The following PURG variants were observed in gnomAD, a reference collection of about 807,000 sequenced individuals.
PURG encodes the protein purine-rich element-binding protein gamma.
PURG carries 3 observed loss-of-function variants against 24.3 expected under a neutral mutation model. The observed-to-expected ratio is 0.12, with a 90% CI of 0.06 to 0.32. The LOEUF (loss-of-function observed/expected upper bound fraction) is 0.32, where lower values mean the gene tolerates loss of function less well. PURG is among the 10% of genes least tolerant of loss of function. The probability of loss-of-function intolerance (pLI) is 1.00; values close to 1 mark genes in which losing one functional copy is unlikely to be tolerated. For missense variants in PURG, 371 were observed against 439.1 expected (o/e 0.84, Z 1.39); for synonymous variants, 180 against 173.1 (o/e 1.04, Z -0.31).
At chr8:30,998,712 A>C (rs1810477669) in intron 1 of PURG, among the ~76,000 whole-genome samples, 1 of 151,840 alleles carries the variant, frequency 6.6e-6, no homozygotes, top group Admixed American at 6.6e-5. Context: ...CTTCTGAACA[A>C]TATAGTTTAT....
downstream of PURG, among the ~76,000 whole-genome samples, chr8:31,026,306 T>G (rs1199411152): frequency 6.6e-6 from 1 of 151,594 alleles, no homozygotes; most frequent in Non-Finnish European, 1.5e-5. Context: ...AGTGCACTAC[T>G]TCAGGAAAAA....
At chr8:31,012,664 T>G (rs1271978724) in intron 1 of PURG, among the ~76,000 whole-genome samples, 1 of 152,214 alleles carries the variant, frequency 6.6e-6, no homozygotes, top group East Asian at 1.9e-4. Context: ...ATCATCACTC[T>G]GATCCAATTC....
At position 31,012,780 on chromosome 8, in the gene PURG, C is replaced by A. The variant is rs1168225504; in HGVS notation, c.865-16083G>T. Among the ~76,000 whole-genome samples the A allele has an allele frequency of 2.6e-5, 4 of 152,236 alleles. No individual in the cohort carries two copies. The East Asian group carries it at 7.7e-4, about 29-fold the overall frequency. On this transcript the variant is annotated intron_variant, in intron 1 of 1. Transcript: ENST00000339382. ...AGGCTTCTGAAAGACAGTGCATCAT[C>A]TCCATATCACACTACTGCACGCTAT...
chr8:31,026,127 T>A (rs1292945096), downstream of PURG, among the ~76,000 whole-genome samples: 2 of 151,988 alleles, frequency 1.3e-5, no homozygotes, highest in Non-Finnish European at 2.9e-5. Context: ...CTAATACTCA[T>A]TTGCTCTTAT....
chr8:31,013,671 A>G lies in PURG; in HGVS notation c.865-16974T>C, dbSNP rs544752114. 2.6e-5 allele frequency among the ~76,000 whole-genome samples: 4 copies of G among 152,340 alleles called. No homozygotes were observed. In the East Asian group the frequency reaches 7.7e-4, roughly 29 times the overall value. The stretch of plus-strand genomic sequence containing the variant: ...AGAATCACTTGAACCCAGGAGGCGG[A>G]GGTTGCAGTGAGCCGAGGTCGCGCC... On this transcript the variant is annotated intron_variant, in intron 1 of 1. Coordinates refer to the PURG transcript ENST00000339382.
chr8:31,022,473 C>T (rs1312866299), intron 1 of PURG, among the ~76,000 whole-genome samples: 1 of 152,160 alleles, frequency 6.6e-6, no homozygotes, highest in Non-Finnish European at 1.5e-5. Flanking sequence ...ACCCTTCTTT[C>T]TTACAGTCTA....
At chr8:31,006,478 C>T (rs558095446) in intron 1 of PURG, among the ~76,000 whole-genome samples, 46 of 152,040 alleles carry the variant, frequency 3.0e-4, no homozygotes, top group African/African-American at 9.9e-4. Flanking sequence ...CCTGTGGTCC[C>T]GGCTACTCGG....
At chr8:31,007,274 A>G (rs1810672408) in intron 1 of PURG, among the ~76,000 whole-genome samples, 1 of 152,176 alleles carries the variant, frequency 6.6e-6, no homozygotes, top group Admixed American at 6.5e-5. Flanking sequence ...AGAGGAAAAT[A>G]TCAGTATTAA....
At chr8:31,003,281 A>C (rs1810575625) in intron 1 of PURG, among the ~76,000 whole-genome samples, 2 of 152,226 alleles carry the variant, frequency 1.3e-5, no homozygotes. Context: ...TAGGTGAAAG[A>C]AATAAGAAAA....
chr8:31,030,772 G>A (rs1811179160), downstream of PURG: 2 of 151,784 alleles, frequency 1.3e-5, no homozygotes, highest in Non-Finnish European at 2.9e-5. Flanking sequence ...TATTATTACA[G>A]GTATATTTTT....
intron 1 of PURG, 46 bp downstream of exon 1, chr8:31,033,032 C>T (rs904140600): frequency 4.3e-5 from 8 of 186,116 alleles, no homozygotes; most frequent in Non-Finnish European, 7.6e-5. Flanking sequence ...CGCCGCCGCC[C>T]GTCCCGCGCT....
intron 1 of PURG, among the ~76,000 whole-genome samples, chr8:31,000,424 T>G (rs916177201): frequency 2.0e-5 from 3 of 152,192 alleles, no homozygotes; most frequent in Admixed American, 1.3e-4. Context: ...AGTTAAATTT[T>G]GAATATTTTT....
chr8:31,032,252 C>T lies in PURG; in HGVS notation c.531G>A (p.Glu177=), dbSNP rs917800079. ...PHSVLKTDYI[E]RDNRKYYLDL... is the part of the protein sequence containing the mutation. ...CTAGGTAATATTTCCTATTGTCCCT[C>T]TCGATATAGTCTGTTTTCAGGACAC... Residue 177 remains glutamate (E), a synonymous_variant, in exon 2 of 2, where the codon GAG becomes GAA. Coordinates refer to ENST00000523392, the MANE Select transcript of PURG (RefSeq NM_001323311.2). This position sits in a 1 kb window ranked among gnomAD's most constrained non-coding sequence, Gnocchi z 5.9. 1 of 1,614,060 alleles carries T rather than the reference C, an allele frequency of 6.2e-7. No homozygotes were observed. Among genetic ancestry groups the T allele is most frequent in the Non-Finnish European group, 8.5e-7 (1 of 1,180,040 alleles).
In PURG at chr8:31,032,785, T is replaced by C; in HGVS notation, c.-3A>G. 7.1e-7 allele frequency: 1 copy of C among 1,416,472 alleles called. No homozygotes were observed. The highest frequency in any genetic ancestry group is 2.5e-5 in the East Asian group (1 of 39,546). 87.7% of individuals were successfully genotyped at this position (1,416,472 alleles called of 1,614,324 possible). A position where few individuals can be genotyped will look rare whatever the true frequency, so the allele number is the denominator to read the frequency against. On this transcript the variant is annotated 5_prime_UTR_variant, in exon 2 of 2. An upstream open reading frame in the 5' UTR loses its in-frame stop. Transcript: ENST00000523392. This position sits in a 1 kb window ranked among gnomAD's most constrained non-coding sequence, Gnocchi z 5.9. ...CCCCTTCGCCTGGCTCTTTCCATCT[T>C]CAGCTGCAAGTAACAAACAGACACA...
At chr8:31,010,681 C>G (rs1326104485) in intron 1 of PURG, among the ~76,000 whole-genome samples, 2 of 152,112 alleles carry the variant, frequency 1.3e-5, no homozygotes, top group Non-Finnish European at 2.9e-5. Context: ...TAAGTGATTA[C>G]AGCAAACCAT....
At chr8:31,009,271 C>T (rs768662003) in intron 1 of PURG, among the ~76,000 whole-genome samples, 34 of 152,142 alleles carry the variant, frequency 2.2e-4, no homozygotes, top group Non-Finnish European at 3.5e-4. Flanking sequence ...CCAAAGAATA[C>T]AAAAATTAGC....
At chr8:31,004,928 G>A (rs1378013148) in intron 1 of PURG, among the ~76,000 whole-genome samples, 2 of 152,038 alleles carry the variant, frequency 1.3e-5, no homozygotes, top group African/African-American at 4.8e-5. Context: ...ATATAAGAGG[G>A]TATTTTCTCC....
At chr8:31,007,861 T>C (rs1810685435) in intron 1 of PURG, among the ~76,000 whole-genome samples, 5 of 152,194 alleles carry the variant, frequency 3.3e-5, no homozygotes, top group Admixed American at 3.3e-4. Flanking sequence ...AACAAAGCTG[T>C]TCTGATTTCC....
chr8:31,009,583 C>T (rs1477123337), intron 1 of PURG, among the ~76,000 whole-genome samples: 1 of 152,158 alleles, frequency 6.6e-6, no homozygotes, highest in African/African-American at 2.4e-5. Flanking sequence ...AACAGCAATT[C>T]CTAGCTAACA....
Sources: allele counts gnomAD v4.1 joint callset (sites outside exome capture counted in the v4.1 genomes callset), GRCh38; gene constraint gnomAD v4.1.1; non-coding constraint Gnocchi (gnomAD v3.1); transcripts MANE v1.5; gene names NCBI Gene and HGNC (gene_info 2026-07-23, HGNC 2026-07-21).